Variants in PAMR1 observed in about 807,000 individuals in gnomAD.
The protein encoded by PAMR1 is inactive serine protease PAMR1.
A neutral mutation model predicts 81.8 loss-of-function variants in PAMR1; 88 were observed. The ratio of observed to expected loss-of-function variants is 1.08; its 90% CI spans 0.91 to 1.28. PAMR1 has a LOEUF of 1.28. Among genes scored for constraint, PAMR1 ranks in the 50% most tolerant of loss-of-function variants. The pLI, the probability that PAMR1 is intolerant of heterozygous loss-of-function variation, is 0.00. For missense variants in PAMR1, 935 were observed against 919.7 expected, an observed-to-expected ratio of 1.02 and a Z score of -0.21; for synonymous variants, 336 against 345.3, an observed-to-expected ratio of 0.97 and a Z score of 0.30.
rs537489922 is a variant in PAMR1 at position 35,518,708 on chromosome 11, T to C, written c.73+6805A>G. On this transcript the variant is annotated intron_variant, in intron 1 of 10. Coordinates refer to ENST00000619888, the MANE Select transcript of PAMR1 (RefSeq NM_001001991.3). ...GAAGTGCAACTGGATTTGAAAAACA[T>C]TGATGCTTTAGTTTCTTGGAGTCAT... Among the ~76,000 whole-genome samples, 4 of 152,038 alleles carry C rather than the reference T, an allele frequency of 2.6e-5. No homozygotes were observed. In the East Asian group the frequency reaches 5.9e-4, roughly 22 times the overall value.
At chr11:35,504,677 C>T (rs1418544949) in intron 1 of PAMR1, among the ~76,000 whole-genome samples, 1 of 151,962 alleles carries the variant, frequency 6.6e-6, no homozygotes, top group African/African-American at 2.4e-5. Flanking sequence ...TATAGTTGTT[C>T]ATAATAGTCT....
chr11:35,440,468 C>T (rs1181736553), intron 7 of PAMR1, among the ~76,000 whole-genome samples: 1 of 152,180 alleles, frequency 6.6e-6, no homozygotes, highest in East Asian at 1.9e-4. Flanking sequence ...AAACCATTCC[C>T]TTTCATTCCT....
chr11:35,507,604 C>G (rs1308100355), intron 1 of PAMR1, among the ~76,000 whole-genome samples: 5 of 152,160 alleles, frequency 3.3e-5, no homozygotes, highest in Non-Finnish European at 7.3e-5. Context: ...ATATTGCCAT[C>G]TCATTAGGGT....
At chr11:35,509,096 A>T (rs1346999994) in intron 1 of PAMR1, among the ~76,000 whole-genome samples, 2 of 152,218 alleles carry the variant, frequency 1.3e-5, no homozygotes, top group African/African-American at 4.8e-5. Flanking sequence ...AAATAAAACC[A>T]GTTCCAAGCA....
intron 1 of PAMR1, among the ~76,000 whole-genome samples, chr11:35,515,180 T>G (rs1473642940): frequency 6.6e-6 from 1 of 152,230 alleles, no homozygotes; most frequent in Non-Finnish European, 1.5e-5. Flanking sequence ...GCTTGCACAC[T>G]TTAAAATCTT....
At chr11:35,463,220 T>C (rs1050602334) in intron 6 of PAMR1, among the ~76,000 whole-genome samples, 4 of 152,162 alleles carry the variant, frequency 2.6e-5, no homozygotes, top group African/African-American at 9.7e-5. Flanking sequence ...GCCTGAGCTC[T>C]TTTCTTCCCA....
chr11:35,504,435 G>A (rs1376981963), intron 1 of PAMR1, among the ~76,000 whole-genome samples: 1 of 152,036 alleles, frequency 6.6e-6, no homozygotes, highest in East Asian at 1.9e-4. Context: ...TTTTTTGGTA[G>A]AGTTTAAGGA....
upstream of PAMR1, chr11:35,529,777 A>T (rs1019411345): frequency 6.6e-6 from 1 of 152,208 alleles, no homozygotes; most frequent in Non-Finnish European, 1.5e-5. Context: ...AAAAAGACAA[A>T]GTGGCATGCT....
chr11:35,436,279 C>G (rs1565324132), intron 8 of PAMR1, 144 bp from the exon 9 acceptor site: 3 of 615,018 alleles, frequency 4.9e-6, no homozygotes, highest in South Asian at 3.9e-5. Context: ...CTATCTCTCT[C>G]TCTGTCTGTC....
upstream of PAMR1, among the ~76,000 whole-genome samples, chr11:35,526,319 C>T (rs1851389532): frequency 2.0e-5 from 3 of 152,162 alleles, no homozygotes; most frequent in African/African-American, 7.2e-5. Flanking sequence ...CCTGTGATCC[C>T]CACGATGGTG....
Position 35,457,251 on chromosome 11 carries a change from T to G in PAMR1, c.820+10750A>C, listed in dbSNP as rs145474607. 3.4e-3 allele frequency among the ~76,000 whole-genome samples: 515 copies of G among 152,210 alleles called. 3 individuals carry two copies. The highest frequency in any genetic ancestry group is 0.012 in the African/African-American group (482 of 41,518). On this transcript the variant is annotated intron_variant, in intron 6 of 10. Transcript: ENST00000619888. Reference sequence around the variant, plus strand: ...TCATCCAATCTGTTGAGGGCCAGAATAGAATAAAAAGGTGCAGGAAGGGAT... The same window carrying G: ...TCATCCAATCTGTTGAGGGCCAGAAGAGAATAAAAAGGTGCAGGAAGGGAT...
At position 35,516,781 on chromosome 11, in the gene PAMR1, A is replaced by C. The variant is rs12294866; in HGVS notation, c.73+8732T>G. 4.2e-3 allele frequency among the ~76,000 whole-genome samples: 644 copies of C among 152,340 alleles called. 13 individuals are homozygous for C. In the East Asian group the frequency reaches 0.064, roughly 15 times the overall value. On this transcript the variant is annotated intron_variant, in intron 1 of 10. Transcript: ENST00000619888. ...CTCTACCAGAACTGACAAACACAAG[A>C]GAATTTTGACCACAAATTGGACCAC...
chr11:35,496,815 A>G (rs1467162376), intron 1 of PAMR1, among the ~76,000 whole-genome samples: 1 of 152,242 alleles, frequency 6.6e-6, no homozygotes, highest in Non-Finnish European at 1.5e-5. Context: ...TTCATTCACA[A>G]TAGCCAAAAG....
At chr11:35,508,159 C>T (rs1385103515) in intron 1 of PAMR1, among the ~76,000 whole-genome samples, 1 of 152,172 alleles carries the variant, frequency 6.6e-6, no homozygotes, top group East Asian at 1.9e-4. Flanking sequence ...GGTTCCTGTG[C>T]ACTTTGAGGC....
intron 3 of PAMR1, among the ~76,000 whole-genome samples, chr11:35,484,551 T>C (rs1850463304): frequency 2.6e-5 from 4 of 152,244 alleles, no homozygotes; most frequent in South Asian, 2.1e-4. Flanking sequence ...TACTTATGGC[T>C]CAGGAATCGG....
At chr11:35,523,885 G>C (rs184814798) in intron 1 of PAMR1, among the ~76,000 whole-genome samples, 4 of 152,158 alleles carry the variant, frequency 2.6e-5, no homozygotes, top group African/African-American at 9.7e-5. Context: ...AGAGGTTCTC[G>C]GGTCAGAAAT....
intron 6 of PAMR1, among the ~76,000 whole-genome samples, chr11:35,447,659 G>A (rs568216076): frequency 1.2e-4 from 19 of 152,246 alleles, no homozygotes; most frequent in East Asian, 1.2e-3. Flanking sequence ...GGTTAATATC[G>A]TTATGTGTAA....
intron 1 of PAMR1, among the ~76,000 whole-genome samples, chr11:35,508,240 C>T (rs980583528): frequency 6.6e-6 from 1 of 152,136 alleles, no homozygotes; most frequent in Non-Finnish European, 1.5e-5. Flanking sequence ...ATCAGTTTTT[C>T]CAGTGTAGAA....
intron 6 of PAMR1, among the ~76,000 whole-genome samples, chr11:35,461,616 A>G (rs548306375): frequency 1.1e-4 from 17 of 152,130 alleles, no homozygotes; most frequent in South Asian, 6.2e-4. Flanking sequence ...AAATTAAAAA[A>G]AAAAACACAC....
Sources: gnomAD v4.1 joint callset for allele counts (sites outside exome capture counted in the v4.1 genomes callset) on GRCh38, gnomAD v4.1.1 for gene constraint, MANE v1.5 for transcripts, NCBI Gene and HGNC (gene_info 2026-07-23, HGNC 2026-07-21) for gene names.